Variants in MAP2K5 observed in about 807,000 individuals in gnomAD.
MAP2K5 encodes the protein mitogen-activated protein kinase kinase 5.
MAP2K5 carries 49 observed loss-of-function variants against 83.1 expected under a neutral mutation model. The observed-to-expected ratio is 0.59, with a 90% CI of 0.47 to 0.75. MAP2K5 has a LOEUF of 0.75. MAP2K5 is among the 30% of genes least tolerant of loss of function. The pLI is 0.00. For synonymous variants in MAP2K5, 202 were observed against 191.8 expected, an observed-to-expected ratio of 1.05 and a Z score of -0.44; for missense variants, 457 against 557.5, an observed-to-expected ratio of 0.82 and a Z score of 1.82.
chr15:67,581,526 C>T (rs1231952784), intron 4 of MAP2K5, among the ~76,000 whole-genome samples: 2 of 152,168 alleles, frequency 1.3e-5, no homozygotes, highest in Non-Finnish European at 2.9e-5. Flanking sequence ...ACCCGTTATA[C>T]ATTGCCCCAC....
chr15:67,744,392 A>C (rs1345257921), intron 17 of MAP2K5, among the ~76,000 whole-genome samples: 1 of 152,252 alleles, frequency 6.6e-6, no homozygotes, highest in African/African-American at 2.4e-5. Context: ...CTTTCTATTT[A>C]AGAGAAAATA....
chr15:67,678,484 A>G (rs1792913902), intron 13 of MAP2K5, among the ~76,000 whole-genome samples: 2 of 152,248 alleles, frequency 1.3e-5, no homozygotes, highest in African/African-American at 2.4e-5. Flanking sequence ...TGAGACATGT[A>G]AAAGTTCAGA....
intron 8 of MAP2K5, chr15:67,629,272 A>C: frequency 1.7e-6 from 1 of 581,262 alleles, no homozygotes. Flanking sequence ...GACATGTTTT[A>C]GACAAATACT....
intron 1 of MAP2K5, among the ~76,000 whole-genome samples, chr15:67,547,459 T>TC (rs1417597852): frequency 1.4e-4 from 21 of 149,284 alleles, no homozygotes; most frequent in Admixed American, 4.0e-4. Context: ...TTTTTTCTTT[T>TC]TTTTTTTTTT....
Position 67,729,509 on chromosome 15 carries a change from G to A in MAP2K5, c.1074+1564G>A, listed in dbSNP as rs146831751. Among the ~76,000 whole-genome samples, 1,261 of 152,206 alleles carry A rather than the reference G, an allele frequency of 8.3e-3. 6 individuals carry two copies. Among genetic ancestry groups the A allele is most frequent in the Non-Finnish European group, 0.014 (952 of 68,018 alleles). On this transcript the variant is annotated intron_variant, in intron 17 of 21. Transcript: ENST00000178640. The stretch of plus-strand genomic sequence containing the variant: ...GCCATGGCCAGGTGCAGTGGCTTAC[G>A]CCTGTAATCCCAGCACTTTGGGAGG...
intron 13 of MAP2K5, 75 bp downstream of exon 13, chr15:67,664,720 G>C: frequency 1.1e-6 from 1 of 944,352 alleles, no homozygotes; most frequent in Non-Finnish European, 1.7e-6. Flanking sequence ...GATTTTTAAA[G>C]TAAGTGTTCT....
intron 16 of MAP2K5, among the ~76,000 whole-genome samples, chr15:67,716,859 CT>C (rs1338209511): frequency 1.3e-5 from 2 of 152,148 alleles, no homozygotes; most frequent in Non-Finnish European, 2.9e-5. Context: ...TATTCATTAT[CT>C]CTTTCAAGCT....
In MAP2K5 at chr15:67,772,776, T is replaced by A. The variant is rs573081311; in HGVS notation, c.1242+24T>A. 1.8e-5 allele frequency: 28 copies of A among 1,577,196 alleles called. No individual in the cohort carries two copies. In the African/African-American group the frequency reaches 3.5e-4, roughly 20 times the overall value. On this transcript the variant is annotated intron_variant, in intron 21 of 21. Transcript: ENST00000178640. Reference sequence around the variant, plus strand: ...TGGTAAGTGAATGTTTTTAGTTACATTAGAATTCTCAGTTATATATTTATG... The same window carrying A: ...TGGTAAGTGAATGTTTTTAGTTACAATAGAATTCTCAGTTATATATTTATG...
At position 67,574,309 on chromosome 15, in the gene MAP2K5, T is replaced by C. The variant is rs540289166; in HGVS notation, c.253-6445T>C. On this transcript the variant is annotated intron_variant, in intron 3 of 21. Transcript: ENST00000178640. ...TTAGTAGGCTGGGCATAGTGGTTCA[T>C]GCCTGTAATCCCAGCACTTTGGGAG... Among the ~76,000 whole-genome samples the C allele has an allele frequency of 9.9e-5, 15 of 152,258 alleles. No homozygotes were observed. In the East Asian group the frequency reaches 2.7e-3, roughly 27 times the overall value.
intron 11 of MAP2K5, among the ~76,000 whole-genome samples, chr15:67,649,646 G>A (rs1208524870): frequency 6.6e-6 from 1 of 152,004 alleles, no homozygotes; most frequent in East Asian, 1.9e-4. Context: ...ATATATTTCT[G>A]TACTTTCAGA....
At chr15:67,653,615 A>C (rs533715258) in intron 11 of MAP2K5, among the ~76,000 whole-genome samples, 1 of 152,236 alleles carries the variant, frequency 6.6e-6, no homozygotes, top group Non-Finnish European at 1.5e-5. Flanking sequence ...TTTTTCATTT[A>C]AAATGAAACC....
chr15:67,656,233 T>C (rs1324162798), intron 11 of MAP2K5, among the ~76,000 whole-genome samples: 8 of 152,146 alleles, frequency 5.3e-5, no homozygotes, highest in South Asian at 4.1e-4. Context: ...ATTTGCATCA[T>C]AGTAGTATCA....
chr15:67,729,617 A>G (rs1316565274), intron 17 of MAP2K5, among the ~76,000 whole-genome samples: 1 of 151,866 alleles, frequency 6.6e-6, no homozygotes, highest in Non-Finnish European at 1.5e-5. Context: ...AAAAATACAA[A>G]AAAAAAAAAT....
chr15:67,567,507 G>A (rs996246317), intron 3 of MAP2K5, among the ~76,000 whole-genome samples: 2 of 151,938 alleles, frequency 1.3e-5, no homozygotes, highest in Non-Finnish European at 2.9e-5. Flanking sequence ...TGGGACTACA[G>A]GCGCCCGCCA....
chr15:67,718,040 G>T (rs1369135250), intron 16 of MAP2K5: 1 of 152,234 alleles, frequency 6.6e-6, no homozygotes, highest in Non-Finnish European at 1.5e-5. Context: ...AGAAGTGCTG[G>T]TATCTAAGTT....
At chr15:67,752,531 A>G (rs2089743087) in intron 19 of MAP2K5, among the ~76,000 whole-genome samples, 2 of 151,736 alleles carry the variant, frequency 1.3e-5, no homozygotes, top group African/African-American at 4.8e-5. Context: ...TACAAAAATG[A>G]GCCGAGCCGG....
intron 21 of MAP2K5, among the ~76,000 whole-genome samples, 160 bp downstream of exon 21, chr15:67,772,912 G>C (rs1370733607): frequency 6.6e-6 from 1 of 152,158 alleles, no homozygotes; most frequent in Admixed American, 6.5e-5. Context: ...CATATCCTCA[G>C]ATAATAGTGT....
rs2086734100 is a variant in MAP2K5 at position 67,642,408 on chromosome 15, T to C, written c.586-3823T>C. 5 of 1,603,264 alleles carry C rather than the reference T, an allele frequency of 3.1e-6. No individual in the cohort carries two copies. In the African/African-American group the frequency reaches 4.0e-5, roughly 13 times the overall value. ...ATAGCCACTCTAATCTTGAGGCTTC[T>C]GTTTTTAGGAGATGAGGGATGCATG... On this transcript the variant is annotated intron_variant, in intron 9 of 21. Coordinates refer to ENST00000178640, the MANE Select transcript of MAP2K5 (RefSeq NM_145160.3).
At chr15:67,674,968 GA>G (rs1346879062) in intron 13 of MAP2K5, among the ~76,000 whole-genome samples, 1 of 152,092 alleles carries the variant, frequency 6.6e-6, no homozygotes, top group African/African-American at 2.4e-5. Flanking sequence ...TGAGGATGCA[GA>G]AAATTGGATC....
Sources: gnomAD v4.1 joint callset for allele counts (sites outside exome capture counted in the v4.1 genomes callset) on GRCh38, gnomAD v4.1.1 for gene constraint, MANE v1.5 for transcripts, NCBI Gene and HGNC (gene_info 2026-07-23, HGNC 2026-07-21) for gene names.